Variants in CALN1 observed in about 807,000 individuals in gnomAD.
CALN1 encodes calcium-binding protein 8.
CALN1 carries 17 observed loss-of-function variants against 30.6 expected under a neutral mutation model. That is an observed-to-expected ratio of 0.56 (90% CI 0.38 to 0.83). CALN1 has a LOEUF of 0.83. Among genes scored for constraint, CALN1 ranks in the 40% least tolerant of loss-of-function variants. The probability of loss-of-function intolerance (pLI) is 0.00; values close to 1 mark genes in which losing one functional copy is unlikely to be tolerated. For synonymous variants in CALN1, 156 were observed against 131.4 expected (o/e 1.19, Z -1.28); for missense variants, 291 against 354.9 (o/e 0.82, Z 1.45).
At chr7:71,876,461 T>C (rs1229795237) in intron 5 of CALN1, among the ~76,000 whole-genome samples, 2 of 152,168 alleles carry the variant, frequency 1.3e-5, no homozygotes, top group Non-Finnish European at 2.9e-5. Flanking sequence ...TCCAGAACCA[T>C]GAGCCAAATA....
chr7:72,223,549 C>T (rs1252442767), intron 3 of CALN1, among the ~76,000 whole-genome samples: 1 of 152,192 alleles, frequency 6.6e-6, no homozygotes, highest in Non-Finnish European at 1.5e-5. Flanking sequence ...ATTCCCTGCA[C>T]TTTCCCTGAA....
At chr7:72,017,986 T>C (rs1800494730) in intron 5 of CALN1, among the ~76,000 whole-genome samples, 1 of 152,250 alleles carries the variant, frequency 6.6e-6, no homozygotes, top group South Asian at 2.1e-4. Flanking sequence ...CCCCCAGGAC[T>C]GGCAGACCTG....
At chr7:71,854,316 T>G (rs1048943410) in intron 5 of CALN1, among the ~76,000 whole-genome samples, 1 of 150,720 alleles carries the variant, frequency 6.6e-6, no homozygotes, top group African/African-American at 2.4e-5. Context: ...CCAGCCTCGG[T>G]GACAGAGCAA....
chr7:71,907,239 AACACACAC>A (rs71531773), intron 5 of CALN1, among the ~76,000 whole-genome samples: 7 of 147,838 alleles, frequency 4.7e-5, no homozygotes, highest in East Asian at 2.0e-4. Flanking sequence ...ATGAGGTTTA[AACACACAC>A]ACACACACAC....
chr7:72,180,528 T>C (rs1789691408), intron 3 of CALN1, among the ~76,000 whole-genome samples: 1 of 151,786 alleles, frequency 6.6e-6, no homozygotes, highest in Non-Finnish European at 1.5e-5. Context: ...GGTGTCCTTT[T>C]TTTTTTTTTT....
At chr7:71,864,238 A>G (rs537612932) in intron 5 of CALN1, among the ~76,000 whole-genome samples, 1 of 152,356 alleles carries the variant, frequency 6.6e-6, no homozygotes, top group African/African-American at 2.4e-5. Flanking sequence ...AGGATGGGAT[A>G]TCACTCCCAT....
intron 5 of CALN1, among the ~76,000 whole-genome samples, chr7:71,969,518 C>T (rs555984673): frequency 6.6e-6 from 1 of 152,058 alleles, no homozygotes; most frequent in Non-Finnish European, 1.5e-5. Flanking sequence ...TATTAATAAA[C>T]ATTCAAGCCA....
At chr7:72,393,455 C>T (rs1805711777) in intron 2 of CALN1, among the ~76,000 whole-genome samples, 1 of 152,170 alleles carries the variant, frequency 6.6e-6, no homozygotes, top group Non-Finnish European at 1.5e-5. Context: ...GAGAGCAAGA[C>T]TCCGTCTCAA....
intron 5 of CALN1, among the ~76,000 whole-genome samples, chr7:71,827,884 A>C (rs1049317363): frequency 6.6e-6 from 1 of 152,106 alleles, no homozygotes; most frequent in Non-Finnish European, 1.5e-5. Context: ...GGGTGGGTCC[A>C]TGTGGATATT....
At chr7:72,416,245 G>C (rs1339950771), upstream of CALN1, among the ~76,000 whole-genome samples, 1 of 152,192 alleles carries the variant, frequency 6.6e-6, no homozygotes, top group Non-Finnish European at 1.5e-5. Flanking sequence ...TTTCTGAATA[G>C]CCTGCTCCTT....
At chr7:71,796,725 T>C (rs1312431691) in intron 6 of CALN1, among the ~76,000 whole-genome samples, 1 of 152,188 alleles carries the variant, frequency 6.6e-6, no homozygotes, top group Admixed American at 6.5e-5. Flanking sequence ...GCTGGTGATC[T>C]TTTCTATCTT....
At chr7:72,311,711 G>T (rs1248858978) in intron 2 of CALN1, among the ~76,000 whole-genome samples, 1 of 128,418 alleles carries the variant, frequency 7.8e-6, no homozygotes, top group Non-Finnish European at 1.5e-5. Context: ...TGCCCAGGCT[G>T]GTCTCGAACT....
intron 2 of CALN1, among the ~76,000 whole-genome samples, chr7:72,283,428 C>T (rs978064582): frequency 5.3e-5 from 8 of 152,080 alleles, no homozygotes; most frequent in East Asian, 1.9e-4. Context: ...ATAGCTACTC[C>T]GGAGGCTGAA....
intron 3 of CALN1, among the ~76,000 whole-genome samples, chr7:72,142,445 G>C (rs1301402253): frequency 1.3e-5 from 2 of 152,208 alleles, no homozygotes; most frequent in African/African-American, 4.8e-5. Context: ...CCATTGCTGA[G>C]GCTTGAGTAG....
At chr7:72,273,057 C>T (rs905635840) in intron 3 of CALN1, among the ~76,000 whole-genome samples, 2 of 151,976 alleles carry the variant, frequency 1.3e-5, no homozygotes, top group Non-Finnish European at 1.5e-5. Flanking sequence ...GAGACCCCCA[C>T]CTCTGCCCAG....
intron 2 of CALN1, among the ~76,000 whole-genome samples, chr7:72,324,467 T>C (rs1048726309): frequency 6.6e-6 from 1 of 152,090 alleles, no homozygotes; most frequent in Non-Finnish European, 1.5e-5. Context: ...CTAATATTAT[T>C]CCCCAATAAC....
intron 2 of CALN1, among the ~76,000 whole-genome samples, chr7:72,387,150 C>T (rs1805255155): frequency 1.5e-5 from 2 of 137,054 alleles, no homozygotes; most frequent in Non-Finnish European, 3.1e-5. Flanking sequence ...AATAAGTATC[C>T]ATAAGTCCAT....
upstream of CALN1, among the ~76,000 whole-genome samples, chr7:72,415,785 C>CG (rs1459200709): frequency 1.3e-5 from 2 of 151,830 alleles, no homozygotes; most frequent in Non-Finnish European, 2.9e-5. Flanking sequence ...CGTGAGGGTA[C>CG]GGGGGGCGCG....
intron 2 of CALN1, among the ~76,000 whole-genome samples, chr7:72,348,663 T>C (rs879571858): frequency 3.3e-5 from 5 of 152,214 alleles, no homozygotes; most frequent in Non-Finnish European, 7.3e-5. Context: ...GAAAACTCAT[T>C]GAACACCCGG....
Sources: gnomAD v4.1 joint callset for allele counts (sites outside exome capture counted in the v4.1 genomes callset) on GRCh38, gnomAD v4.1.1 for gene constraint, MANE v1.5 for transcripts, NCBI Gene and HGNC (gene_info 2026-07-23, HGNC 2026-07-21) for gene names.